Variants in ZNF705A observed in about 807,000 individuals in gnomAD.
ZNF705A encodes the protein zinc finger protein 705A.
Under a neutral mutation model 16.6 loss-of-function variants are expected in ZNF705A, and 8 were observed. The ratio of observed to expected loss-of-function variants is 0.48; its 90% CI spans 0.28 to 0.87. The LOEUF is 0.87. Among genes scored for constraint, ZNF705A ranks in the 40% least tolerant of loss-of-function variants. The pLI, the probability that ZNF705A is intolerant of heterozygous loss-of-function variation, is 0.10. For synonymous variants in ZNF705A, 73 were observed against 117.3 expected, an observed-to-expected ratio of 0.62 and a Z score of 2.44; for missense variants, 233 against 359.9, an observed-to-expected ratio of 0.65 and a Z score of 2.85.
At chr12:8,163,960 T>C (rs1042192963) in intron 1 of ZNF705A, among the ~76,000 whole-genome samples, 1 of 152,314 alleles carries the variant, frequency 6.6e-6, no homozygotes, top group Middle Eastern at 3.4e-3. Context: ...CTGTAATATT[T>C]AAGGTGTGCA....
chr12:8,160,483 C>T (rs1283765346), intron 1 of ZNF705A, among the ~76,000 whole-genome samples: 2 of 151,738 alleles, frequency 1.3e-5, no homozygotes, highest in African/African-American at 4.8e-5. Context: ...TTGTTTGTAT[C>T]ATCTATAATT....
At chr12:8,176,022 C>A (rs1415657277) in intron 4 of ZNF705A, 80 bp downstream of exon 5, 72 of 1,587,032 alleles carry the variant, frequency 4.5e-5, no homozygotes, top group Admixed American at 1.9e-4. Context: ...AGCACAATCA[C>A]CTGAGTGTAA....
chr12:8,170,037 A>C (rs1948431959), upstream of ZNF705A, among the ~76,000 whole-genome samples: 1 of 152,062 alleles, frequency 6.6e-6, no homozygotes, highest in Admixed American at 6.6e-5. Context: ...TAAAAATACA[A>C]AATTAGCCGA....
chr12:8,171,556 A>T (rs1444940996), upstream of ZNF705A, among the ~76,000 whole-genome samples: 1 of 152,092 alleles, frequency 6.6e-6, no homozygotes, highest in East Asian at 1.9e-4. Flanking sequence ...TCCCACCCCT[A>T]CGTCATTTTG....
intron 1 of ZNF705A, among the ~76,000 whole-genome samples, chr12:8,165,279 T>C (rs1379938451): frequency 3.6e-5 from 1 of 27,942 alleles, no homozygotes; most frequent in Non-Finnish European, 5.6e-5. Context: ...TCTTTGCCCA[T>C]TTTTTTTTTT....
exon 5 of ZNF705A, chr12:8,179,100 T>C (rs1385545163): frequency 6.6e-6 from 1 of 152,244 alleles, no homozygotes; most frequent in African/African-American, 2.4e-5. Flanking sequence ...CTTGCCTCTG[T>C]CTCTGAGCAG....
chr12:8,165,715 C>T (rs372889343), intron 1 of ZNF705A, among the ~76,000 whole-genome samples: 18 of 152,000 alleles, frequency 1.2e-4, no homozygotes, highest in South Asian at 2.1e-4. Context: ...TCTGTTGTTC[C>T]GATCTTTACG....
intron 1 of ZNF705A, among the ~76,000 whole-genome samples, chr12:8,167,245 C>T (rs1404938218): frequency 6.6e-6 from 1 of 152,138 alleles, no homozygotes; most frequent in Non-Finnish European, 1.5e-5. Context: ...ATATAATACA[C>T]TCAAAAGTAC....
rs370483988 is a variant in ZNF705A, at chr12:8,159,580, G to T, written c.-72+2488G>T. ...ATTAGTGATGCTGAGGATTTTTTTTGATATGTTTGTTGGCCATTTGTATAT... is the reference window on the plus strand; with the variant it reads ...ATTAGTGATGCTGAGGATTTTTTTTTATATGTTTGTTGGCCATTTGTATAT... On this transcript the variant is annotated intron_variant, in intron 1 of 5. Coordinates refer to the ZNF705A transcript ENST00000396570. Among the ~76,000 whole-genome samples the T allele has an allele frequency of 3.2e-3, 484 of 151,960 alleles. 5 individuals carry two copies. The highest frequency in any genetic ancestry group is 0.011 in the African/African-American group (450 of 41,476).
At chr12:8,173,427 A>G (rs1948460758) in intron 1 of ZNF705A, among the ~76,000 whole-genome samples, 1 of 152,236 alleles carries the variant, frequency 6.6e-6, no homozygotes, top group South Asian at 2.1e-4. Flanking sequence ...CTGGTTAGAA[A>G]AAAAACAATG....
chr12:8,170,649 T>C (rs948920583), upstream of ZNF705A, among the ~76,000 whole-genome samples: 1 of 152,176 alleles, frequency 6.6e-6, no homozygotes, highest in African/African-American at 2.4e-5. Context: ...ATATTAAGGG[T>C]TACAGCTGGT....
At chr12:8,167,413 A>G (rs1202720310) in intron 1 of ZNF705A, among the ~76,000 whole-genome samples, 5 of 152,166 alleles carry the variant, frequency 3.3e-5, no homozygotes, top group Admixed American at 6.5e-5. Flanking sequence ...GATTAGGTTC[A>G]GTGTCTGTGC....
intron 4 of ZNF705A, 50 bp from the exon 6 acceptor site, chr12:8,176,949 A>G (rs760047919): frequency 5.7e-6 from 9 of 1,572,386 alleles, no homozygotes; most frequent in South Asian, 1.1e-5. Flanking sequence ...AAATGAATGT[A>G]TAGATATATG....
chr12:8,177,696 T>C (rs1340381316), exon 5 of ZNF705A: 1 of 1,481,220 alleles, frequency 6.8e-7, no homozygotes, highest in East Asian at 2.3e-5. Context: ...GGAGAGAAAA[T>C]TATAAACTTC....
intron 1 of ZNF705A, among the ~76,000 whole-genome samples, chr12:8,164,243 C>T (rs1948380693): frequency 6.6e-6 from 1 of 152,140 alleles, no homozygotes; most frequent in African/African-American, 2.4e-5. Context: ...TACCCATTTC[C>T]CCAGCACCAG....
chr12:8,157,786 A>G (rs1274368059), intron 1 of ZNF705A, among the ~76,000 whole-genome samples: 1 of 152,170 alleles, frequency 6.6e-6, no homozygotes, highest in African/African-American at 2.4e-5. Context: ...TGAAATGTTG[A>G]CCTAAAAGGA....
At chr12:8,165,164 A>G (rs947002947) in intron 1 of ZNF705A, among the ~76,000 whole-genome samples, 2 of 151,982 alleles carry the variant, frequency 1.3e-5, no homozygotes, top group Non-Finnish European at 2.9e-5. Flanking sequence ...GTGATATTTC[A>G]TGGTGGTTTT....
At chr12:8,176,070 T>C (rs1948482445) in intron 4 of ZNF705A, 128 bp downstream of exon 5, 9 of 1,362,204 alleles carry the variant, frequency 6.6e-6, no homozygotes, top group East Asian at 4.6e-5. Flanking sequence ...CAAAAAAAAA[T>C]TGAATACTTT....
Position 8,161,200 on chromosome 12 carries a change from T to C in ZNF705A, c.-72+4108T>C, listed in dbSNP as rs1948351936. Among the ~76,000 whole-genome samples, 5 of 152,298 alleles carry C rather than the reference T, an allele frequency of 3.3e-5. No individual in the cohort carries two copies. In the South Asian group the frequency reaches 1.0e-3, roughly 32 times the overall value. ...CCCATTTGATCATGGTTGGATTCAG[T>C]TAGCTAGTATGTTGTTAAGGATTTT... On this transcript the variant is annotated intron_variant, in intron 1 of 5. Coordinates refer to the ZNF705A transcript ENST00000396570.
Sources: allele counts gnomAD v4.1 joint callset (sites outside exome capture counted in the v4.1 genomes callset), GRCh38; gene constraint gnomAD v4.1.1; transcripts MANE v1.5; gene names NCBI Gene and HGNC (gene_info 2026-07-23, HGNC 2026-07-21).